GPR137C: variants seen among roughly 807,000 people sequenced by gnomAD.
GPR137C encodes the protein G protein-coupled receptor 137C.
Under a neutral mutation model 43.4 loss-of-function variants are expected in GPR137C, and 27 were observed. The observed-to-expected ratio is 0.62, with a 90% CI of 0.46 to 0.86. The LOEUF is 0.86. Ranked by LOEUF, GPR137C falls within the 40% of genes least tolerant of loss-of-function variation. The pLI is 0.00. For synonymous variants in GPR137C, 285 were observed against 226.9 expected, an observed-to-expected ratio of 1.26 and a Z score of -2.30; for missense variants, 522 against 534.6, an observed-to-expected ratio of 0.98 and a Z score of 0.23.
At chr14:52,614,613 G>A (rs2039077919) in intron 3 of GPR137C, among the ~76,000 whole-genome samples, 1 of 152,066 alleles carries the variant, frequency 6.6e-6, no homozygotes, top group South Asian at 2.1e-4. Flanking sequence ...TCAGCTTCCT[G>A]AGTGGCTGGG....
At chr14:52,606,417 G>C (rs746818330) in intron 3 of GPR137C, among the ~76,000 whole-genome samples, 2 of 151,816 alleles carry the variant, frequency 1.3e-5, no homozygotes, top group Non-Finnish European at 2.9e-5. Flanking sequence ...TACATGAATA[G>C]TGCTTTTATT....
At chr14:52,595,715 C>T (rs897896994) in intron 1 of GPR137C, among the ~76,000 whole-genome samples, 2 of 152,144 alleles carry the variant, frequency 1.3e-5, no homozygotes, top group Admixed American at 6.5e-5. Context: ...GTTAGCCATT[C>T]GCCTGACCTT....
intron 1 of GPR137C, among the ~76,000 whole-genome samples, chr14:52,554,189 G>T (rs1470330864): frequency 1.3e-5 from 2 of 152,146 alleles, no homozygotes; most frequent in Non-Finnish European, 2.9e-5. Flanking sequence ...CAATGCTGAG[G>T]ATCAGGATAA....
chr14:52,580,691 T>A (rs939656347), intron 1 of GPR137C, among the ~76,000 whole-genome samples: 7 of 151,254 alleles, frequency 4.6e-5, no homozygotes, highest in African/African-American at 1.5e-4. Flanking sequence ...AGCATTAGGG[T>A]ATTAAGACCC....
chr14:52,573,128 G>A (rs556614174), intron 1 of GPR137C, among the ~76,000 whole-genome samples: 14 of 152,262 alleles, frequency 9.2e-5, no homozygotes, highest in South Asian at 2.1e-4. Context: ...AATCAATGTC[G>A]TGAAAATGGC....
At chr14:52,628,575 C>T (rs541735108) in intron 3 of GPR137C, among the ~76,000 whole-genome samples, 6 of 152,228 alleles carry the variant, frequency 3.9e-5, no homozygotes, top group South Asian at 4.1e-4. Context: ...GTGGTCAGAT[C>T]GCTTGAGGTC....
intron 1 of GPR137C, among the ~76,000 whole-genome samples, chr14:52,581,533 C>CA (rs11420705): frequency 0.15 from 18,536 of 127,826 alleles, 1,257 homozygotes; most frequent in African/African-American, 0.21. Context: ...GACTCCGTCT[C>CA]AAAAAAAAAA....
chr14:52,598,705 T>C (rs985586269), intron 2 of GPR137C, among the ~76,000 whole-genome samples: 2 of 152,122 alleles, frequency 1.3e-5, no homozygotes, highest in African/African-American at 4.8e-5. Context: ...ATAGCGAGAG[T>C]GCTAAGCTGT....
At chr14:52,625,958 G>A (rs10220461) in intron 3 of GPR137C, among the ~76,000 whole-genome samples, 3 of 152,040 alleles carry the variant, frequency 2.0e-5, no homozygotes, top group Admixed American at 6.6e-5. Context: ...TCCTACATCC[G>A]TGGATTCAAC....
chr14:52,570,093 G>A (rs774456880), intron 1 of GPR137C, among the ~76,000 whole-genome samples: 15 of 152,312 alleles, frequency 9.8e-5, no homozygotes, highest in Non-Finnish European at 1.8e-4. Context: ...GGCAGCTAGA[G>A]AGAAAGGTCG....
intron 3 of GPR137C, among the ~76,000 whole-genome samples, chr14:52,608,429 G>T (rs1386933825): frequency 1.3e-5 from 2 of 152,114 alleles, no homozygotes; most frequent in East Asian, 3.9e-4. Context: ...AACGTTTGAT[G>T]GCACAATTTG....
chr14:52,577,828 G>T (rs956280018), intron 1 of GPR137C, among the ~76,000 whole-genome samples: 2 of 150,892 alleles, frequency 1.3e-5, no homozygotes, highest in East Asian at 3.9e-4. Context: ...TTAGCTGGGC[G>T]TGGTGGCATG....
intron 3 of GPR137C, among the ~76,000 whole-genome samples, chr14:52,621,105 A>G (rs1436199124): frequency 1.3e-5 from 2 of 151,888 alleles, no homozygotes; most frequent in Non-Finnish European, 2.9e-5. Flanking sequence ...AATTTTGTCT[A>G]GGGTCATTAC....
Position 52,553,118 on chromosome 14 carries a change from G to A in GPR137C, c.-30G>A, listed in dbSNP as rs2038106198. The A allele has an allele frequency of 8.7e-7, 1 of 1,146,048 alleles. No individual in the cohort carries two copies. The allele number at this position is 1,146,048 out of a possible 1,614,324, so 71.0% of individuals were successfully genotyped here. On this transcript the variant is annotated 5_prime_UTR_variant, in exon 1 of 7. Transcript: ENST00000321662. ...CTCCGAGTCCAGCCCCTTCCTTCCC[G>A]CGCTCGCTCGCCCGGCCCCCAGCCC...
intron 3 of GPR137C, among the ~76,000 whole-genome samples, chr14:52,624,304 G>T (rs1230055499): frequency 6.6e-6 from 1 of 151,500 alleles, no homozygotes; most frequent in East Asian, 1.9e-4. Context: ...TTTGTGGAAT[G>T]CAGTAAAAAT....
In GPR137C at chr14:52,553,286, T is replaced by A. The variant is rs1247812119; in HGVS notation, c.139T>A (p.Leu47Met). 2 of 1,510,774 alleles carry A rather than the reference T, an allele frequency of 1.3e-6. No homozygotes were observed. The highest frequency in any genetic ancestry group is 1.8e-6 in the Non-Finnish European group (2 of 1,132,620). The allele number at this position is 1,510,774 out of a possible 1,614,324, so 93.6% of individuals were successfully genotyped here. A position where few individuals can be genotyped will look rare whatever the true frequency, so the allele number is the denominator to read the frequency against. ...SGAAVPGSVQ[L>M]ALSVLHALLY... ...CGCCGCGGTGCCGGGCTCCGTGCAG[T>A]TGGCGCTGAGCGTCCTGCACGCCCT... Residue 47 changes from leucine (L) to methionine (M), a missense_variant, in exon 1 of 7, where the codon TTG becomes ATG. By Grantham distance (15) the Leu-to-Met change is conservative (BLOSUM62 2). Around this residue, in one of 3 missense-constraint regions of GPR137C, gnomAD observed 437 missense variants for 425.7 expected, o/e 1.03. Coordinates refer to ENST00000321662, the MANE Select transcript of GPR137C (RefSeq NM_001099652.2).
intron 1 of GPR137C, among the ~76,000 whole-genome samples, chr14:52,557,848 A>G (rs2038217845): frequency 6.6e-6 from 1 of 152,172 alleles, no homozygotes; most frequent in African/African-American, 2.4e-5. Context: ...TTGTTTCTAT[A>G]CCATGAACTT....
rs149020407 is a variant in GPR137C at position 52,615,087 on chromosome 14, G to A, written c.717+14746G>A. On this transcript the variant is annotated intron_variant, in intron 3 of 6. Transcript: ENST00000321662. ...AGTAGTAGTAGTTTCATAATTTGAG[G>A]TCTTAGATTTAAGTGTTTAATTCGT... 2.8e-3 allele frequency among the ~76,000 whole-genome samples: 433 copies of A among 152,242 alleles called. 1 individual carries two copies. The highest frequency in any genetic ancestry group is 9.8e-3 in the African/African-American group (408 of 41,542).
At chr14:52,586,078 A>C (rs951374868) in intron 1 of GPR137C, among the ~76,000 whole-genome samples, 3 of 152,222 alleles carry the variant, frequency 2.0e-5, no homozygotes, top group Admixed American at 1.3e-4. Context: ...AGTGTAAGCA[A>C]ATCTTCACCA....
Sources: gnomAD v4.1 joint callset for allele counts (sites outside exome capture counted in the v4.1 genomes callset) on GRCh38, gnomAD v4.1.1 for gene constraint, gnomAD v4.1.1 regional missense constraint, MANE v1.5 for transcripts, NCBI Gene and HGNC (gene_info 2026-07-23, HGNC 2026-07-21) for gene names.